The following FSIP2 variants were observed in gnomAD, a reference collection of about 807,000 sequenced individuals.
FSIP2 encodes fibrous sheath interacting protein 2.
A neutral mutation model predicts 510.5 loss-of-function variants in FSIP2; 367 were observed. The ratio of observed to expected loss-of-function variants is 0.72; its 90% confidence interval spans 0.66 to 0.78. The LOEUF (loss-of-function observed/expected upper bound fraction) is 0.78. Ranked by LOEUF, FSIP2 falls within the 30% of genes least tolerant of loss-of-function variation. FSIP2 has a pLI of 0.00. For synonymous variants in FSIP2, 2,601 were observed against 2,732.2 expected (o/e 0.95, Z 1.50); for missense variants, 7,594 against 7,901.7 (o/e 0.96, Z 1.48).
chr2:185,814,341 T>C (rs1429237659), intron 18 of FSIP2, among the ~76,000 whole-genome samples: 1 of 152,062 alleles, frequency 6.6e-6, no homozygotes, highest in Non-Finnish European at 1.5e-5. Flanking sequence ...CCCTTTTGTA[T>C]TTTGGCTGGT....
rs758302327 is a variant in FSIP2, at chr2:185,805,049, G to C, written c.15743G>C (p.Ser5248Thr). The change falls in exon 17 of 23, where the codon AGT becomes ACT. Residue 5248 changes from serine to threonine, a missense_variant. By Grantham distance (58) the Ser-to-Thr change is moderately conservative. Coordinates refer to ENST00000424728, the MANE Select transcript of FSIP2 (RefSeq NM_173651.4). ...PFLHGEESSF[S>T]DLSDYDHVSE... ...TTACATGGTGAAGAATCATCTTTCAGTGACTTATCTGATTATGACCATGTC... is the reference window on the plus strand; with the variant it reads ...TTACATGGTGAAGAATCATCTTTCACTGACTTATCTGATTATGACCATGTC... The C allele has an allele frequency of 1.9e-6, 3 of 1,599,458 alleles. No homozygotes were observed. In the South Asian group the frequency reaches 3.4e-5, roughly 18 times the overall value.
At chr2:185,762,624 A>G (rs889335449) in intron 11 of FSIP2, among the ~76,000 whole-genome samples, 2 of 151,186 alleles carry the variant, frequency 1.3e-5, no homozygotes, top group Admixed American at 1.3e-4. Context: ...TTCCTTTTAT[A>G]TTTTGTATCT....
At position 185,803,627 on chromosome 2, in the gene FSIP2, A is replaced by C. The variant is rs1356862630; in HGVS notation, c.14321A>C (p.Lys4774Thr). 6.5e-7 allele frequency: 1 copy of C among 1,529,012 alleles called. No individual in the cohort carries two copies. The highest frequency in any genetic ancestry group is 8.7e-7 in the Non-Finnish European group (1 of 1,143,562). 94.7% of individuals were successfully genotyped at this position (1,529,012 alleles called of 1,614,324 possible). A position where few individuals can be genotyped will look rare whatever the true frequency, so the allele number is the denominator to read the frequency against. Residue 4774 changes from lysine to threonine, a missense_variant, in exon 17 of 23, where the codon AAA becomes ACA. Lys to Thr is a moderately conservative substitution (Grantham distance 78). Transcript: ENST00000424728. ...CAAAGAGTTCAATATGATATAAGTA[A>C]ATCAAGATTCCAAAGACAAGCTTCA... Reference protein sequence around the residue: ...LIQRVQYDISKSRFQRQASTM... With the variant: ...LIQRVQYDISTSRFQRQASTM...
intron 22 of FSIP2, among the ~76,000 whole-genome samples, chr2:185,832,203 G>A (rs1694120619): frequency 6.6e-6 from 1 of 151,904 alleles, no homozygotes. Flanking sequence ...TTATCCCACA[G>A]CTAACAAGCA....
Position 185,804,096 on chromosome 2 carries a change from A to G in FSIP2, c.14790A>G (p.Lys4930=). 1 of 1,528,106 alleles carries G rather than the reference A, an allele frequency of 6.5e-7. No individual in the cohort carries two copies. Among genetic ancestry groups the G allele is most frequent in the Non-Finnish European group, 8.8e-7 (1 of 1,142,790 alleles). The allele number at this position is 1,528,106 out of a possible 1,614,324, so 94.7% of individuals were successfully genotyped here. A position where few individuals can be genotyped will look rare whatever the true frequency, so the allele number is the denominator to read the frequency against. Residue 4930 remains lysine (K), a synonymous_variant, in exon 17 of 23, where the codon AAA becomes AAG. Coordinates refer to ENST00000424728, the MANE Select transcript of FSIP2 (RefSeq NM_173651.4). Reference sequence around the variant, plus strand: ...CAGTTGATCAAACTTATAAATTGAAAGCAATAGATCCTAAACAAAGAGAAT... The same window carrying G: ...CAGTTGATCAAACTTATAAATTGAAGGCAATAGATCCTAAACAAAGAGAAT... ...LAAVDQTYKL[K]AIDPKQRELS...
rs1574193361 is a variant in FSIP2, at chr2:185,801,500, G to A, written c.12194G>A (p.Gly4065Asp). The A allele has an allele frequency of 6.5e-7, 1 of 1,533,744 alleles. No individual in the cohort carries two copies. Among genetic ancestry groups the A allele is most frequent in the South Asian group, 1.2e-5 (1 of 83,934 alleles). The change falls in exon 17 of 23, where the codon GGT becomes GAT. Residue 4065 changes from glycine to aspartate, a missense_variant. Gly to Asp is a moderately conservative substitution (Grantham distance 94, BLOSUM62 -1). Coordinates refer to ENST00000424728, the MANE Select transcript of FSIP2 (RefSeq NM_173651.4). ...LQQYELKVAC[G>D]NNPVYDNASI... ...CAGTATGAATTAAAAGTGGCCTGTG[G>A]TAATAATCCGGTATACGACAATGCC...
Position 185,809,079 on chromosome 2 carries a change from A to C in FSIP2, c.19773A>C (p.Thr6591=). 1.2e-6 allele frequency: 2 copies of C among 1,601,752 alleles called. No homozygotes were observed. Among genetic ancestry groups the C allele is most frequent in the Non-Finnish European group, 1.7e-6 (2 of 1,176,270 alleles). ...LGSPDLEKRK[T]ERRTSLDKTG... is the part of the protein sequence containing the mutation. The stretch of plus-strand genomic sequence containing the variant: ...CACCTGATTTAGAAAAGAGAAAGAC[A>C]GAAAGACGTACCTCATTGGATAAGA... The change falls in exon 17 of 23, where the codon ACA becomes ACC. Residue 6591 remains threonine (T), a synonymous_variant. Coordinates refer to ENST00000424728, the MANE Select transcript of FSIP2 (RefSeq NM_173651.4).
Position 185,815,398 on chromosome 2 carries a change from C to T in FSIP2, c.20353C>T (p.Pro6785Ser), listed in dbSNP as rs1312702844. 1 of 1,521,846 alleles carries T rather than the reference C, an allele frequency of 6.6e-7. No individual in the cohort carries two copies. The highest frequency in any genetic ancestry group is 2.3e-5 in the East Asian group (1 of 43,436). The allele number at this position is 1,521,846 out of a possible 1,614,324, so 94.3% of individuals were successfully genotyped here. ...AGAAGAAAAGAATCTTGTTACTGAA[C>T]CAACACATTACTTCATACACAGAAT... Reference protein sequence around the residue: ...KKEEKNLVTEPTHYFIHRIMS... With the variant: ...KKEEKNLVTESTHYFIHRIMS... Residue 6785 changes from proline to serine, a missense_variant, in exon 19 of 23, where the codon CCA (proline) becomes TCA (serine). Physicochemically the swap from Pro to Ser is moderately conservative, Grantham distance 74. Coordinates refer to ENST00000424728, the MANE Select transcript of FSIP2 (RefSeq NM_173651.4).
At chr2:185,762,631 A>G (rs1014730831) in intron 11 of FSIP2, among the ~76,000 whole-genome samples, 3 of 151,368 alleles carry the variant, frequency 2.0e-5, no homozygotes, top group African/African-American at 4.8e-5. Flanking sequence ...TATATTTTGT[A>G]TCTAAAAGTT....
Position 185,794,206 on chromosome 2 carries a change from G to A in FSIP2, c.7070G>A (p.Ser2357Asn). 1 of 1,534,630 alleles carries A rather than the reference G, an allele frequency of 6.5e-7. No individual in the cohort carries two copies. The highest frequency in any genetic ancestry group is 8.7e-7 in the Non-Finnish European group (1 of 1,145,902). ...AAGACATATGCTGACGTCATTGCCA[G>A]TGCCATTTTGAAGCTTATTAAAAAT... ...RLKTYADVIA[S>N]AILKLIKNDL... Residue 2357 changes from serine (S) to asparagine (N), a missense_variant, in exon 16 of 23, where the codon AGT becomes AAT. Transcript: ENST00000424728.
chr2:185,763,484 A>G (rs1273599439), intron 12 of FSIP2, among the ~76,000 whole-genome samples, 195 bp downstream of exon 12: 1 of 151,638 alleles, frequency 6.6e-6, no homozygotes, highest in Admixed American at 6.6e-5. Context: ...ATGTTAGTTC[A>G]TGGTACGTAT....
In FSIP2 at chr2:185,792,092, G is replaced by C; in HGVS notation, c.4956G>C (p.Lys1652Asn). The C allele has an allele frequency of 6.5e-7, 1 of 1,533,442 alleles. No homozygotes were observed. The highest frequency in any genetic ancestry group is 8.7e-7 in the Non-Finnish European group (1 of 1,144,912). 95.0% of individuals were successfully genotyped at this position (1,533,442 alleles called of 1,614,324 possible). A position where few individuals can be genotyped will look rare whatever the true frequency, so the allele number is the denominator to read the frequency against. Residue 1652 changes from lysine to asparagine, a missense_variant, in exon 16 of 23, where the codon AAG becomes AAC. Transcript: ENST00000424728. ...HAKKVSSAIL[K>N]VIQTELNVTS... is the part of the protein sequence containing the mutation. ...AGAAGGTATCAAGTGCTATTTTGAAGGTTATTCAAACAGAATTAAATGTGA... is the reference window on the plus strand; with the variant it reads ...AGAAGGTATCAAGTGCTATTTTGAACGTTATTCAAACAGAATTAAATGTGA...
chr2:185,780,159 C>A (rs1366935529), intron 13 of FSIP2, among the ~76,000 whole-genome samples: 1 of 151,764 alleles, frequency 6.6e-6, no homozygotes, highest in Non-Finnish European at 1.5e-5. Context: ...TTCCGTCCCC[C>A]ACCTCGGGCT....
intron 21 of FSIP2, among the ~76,000 whole-genome samples, chr2:185,828,945 A>G (rs1574211090): frequency 6.6e-6 from 1 of 151,894 alleles, no homozygotes; most frequent in East Asian, 1.9e-4. Flanking sequence ...TTAAAATCTT[A>G]TAACTTACAC....
In FSIP2 at chr2:185,798,015, A is replaced by G. The variant is rs1307518255; in HGVS notation, c.10390+489A>G. On this transcript the variant is annotated intron_variant, in intron 16 of 22. Coordinates refer to ENST00000424728, the MANE Select transcript of FSIP2 (RefSeq NM_173651.4). Reference sequence around the variant, plus strand: ...CTCAATTGCTTTTTAATTCATCACAATGCAAAAAAATAAAAATAAATAAAT... The same window carrying G: ...CTCAATTGCTTTTTAATTCATCACAGTGCAAAAAAATAAAAATAAATAAAT... Among the ~76,000 whole-genome samples, 5 of 151,892 alleles carry G rather than the reference A, an allele frequency of 3.3e-5. No homozygotes were observed. The East Asian group carries it at 9.7e-4, about 30-fold the overall frequency.
Position 185,826,967 on chromosome 2 carries a change from GGGCACCATAA to G in FSIP2, c.20474-1188_20474-1179del, listed in dbSNP as rs1238949017. On this transcript the variant is annotated intron_variant, in intron 20 of 22. Transcript: ENST00000424728. Reference sequence around the variant, plus strand: ...TCAAGTAACTTAAATCCAAAAATCTGGGCACCATAAATATCAGGAATTTTTCTGTGCCTCT... The same window carrying G: ...TCAAGTAACTTAAATCCAAAAATCTGATATCAGGAATTTTTCTGTGCCTCT... 5.9e-5 allele frequency among the ~76,000 whole-genome samples: 9 copies of G among 151,786 alleles called. No individual in the cohort carries two copies. In the East Asian group the frequency reaches 1.8e-3, roughly 30 times the overall value.
At chr2:185,821,718 A>T (rs974917218) in intron 19 of FSIP2, among the ~76,000 whole-genome samples, 1 of 151,530 alleles carries the variant, frequency 6.6e-6, no homozygotes, top group Non-Finnish European at 1.5e-5. Context: ...AAGCCCGACA[A>T]TTTGAGACCA....
chr2:185,743,185 T>C lies in FSIP2; in HGVS notation c.278T>C (p.Leu93Ser). 1 of 1,529,492 alleles carries C rather than the reference T, an allele frequency of 6.5e-7. No homozygotes were observed. Among genetic ancestry groups the C allele is most frequent in the Non-Finnish European group, 8.7e-7 (1 of 1,144,478 alleles). 94.7% of individuals were successfully genotyped at this position (1,529,492 alleles called of 1,614,324 possible). ...CTGACTGATCCCTATTGTCGACTTT[T>C]GGAAAACCAATATAAAAGCCTCCAT... ...FNLTDPYCRL[L>S]ENQYKSLHDP... The change falls in exon 3 of 23, where the codon TTG becomes TCG. Residue 93 changes from leucine (L) to serine (S), a missense_variant. Physicochemically the swap from Leu to Ser is moderately radical, Grantham distance 145. Transcript: ENST00000424728.
chr2:185,755,497 T>G (rs1445744333), intron 8 of FSIP2, among the ~76,000 whole-genome samples: 1 of 151,626 alleles, frequency 6.6e-6, no homozygotes, highest in Non-Finnish European at 1.5e-5. Flanking sequence ...AAAATGAGTT[T>G]AATTTATATT....
Sources: allele counts gnomAD v4.1 joint callset (sites outside exome capture counted in the v4.1 genomes callset), GRCh38; gene constraint gnomAD v4.1.1; transcripts MANE v1.5; gene names NCBI Gene and HGNC (gene_info 2026-07-23, HGNC 2026-07-21).